Variants in RFX3 observed in about 807,000 individuals in gnomAD.
RFX3 encodes transcription factor RFX3.
A neutral mutation model predicts 98.6 loss-of-function variants in RFX3; 14 were observed. That is an observed-to-expected ratio of 0.14 (90% CI 0.09 to 0.22). The LOEUF is 0.22. Among genes scored for constraint, RFX3 ranks in the 10% least tolerant of loss-of-function variants. The pLI, the probability that RFX3 is intolerant of heterozygous loss-of-function variation, is 1.00. For missense variants in RFX3, 639 were observed against 926.9 expected (o/e 0.69, Z 4.03); for synonymous variants, 383 against 328.4 (o/e 1.17, Z -1.80).
chr9:3,327,764 C>T (rs550289726), intron 4 of RFX3, among the ~76,000 whole-genome samples: 10 of 151,848 alleles, frequency 6.6e-5, no homozygotes, highest in South Asian at 6.3e-4. Context: ...TTTTATAATT[C>T]AGTTATCTGT....
intron 4 of RFX3, among the ~76,000 whole-genome samples, chr9:3,316,776 A>G (rs1016844670): frequency 5.3e-5 from 8 of 152,212 alleles, no homozygotes; most frequent in African/African-American, 1.9e-4. Context: ...CAATTGCATC[A>G]AAGAGAATAA....
At chr9:3,291,157 G>C (rs1403543545) in intron 6 of RFX3, among the ~76,000 whole-genome samples, 1 of 152,176 alleles carries the variant, frequency 6.6e-6, no homozygotes, top group Non-Finnish European at 1.5e-5. Flanking sequence ...CTAAGGTCAG[G>C]AGTTTGAGAC....
chr9:3,276,080 TAAC>T (rs1206714140), intron 8 of RFX3, among the ~76,000 whole-genome samples: 2 of 152,096 alleles, frequency 1.3e-5, no homozygotes, highest in African/African-American at 4.8e-5. Flanking sequence ...ACATACAATT[TAAC>T]AACATTAATT....
At chr9:3,389,338 G>A (rs1215598397) in intron 2 of RFX3, among the ~76,000 whole-genome samples, 1 of 152,020 alleles carries the variant, frequency 6.6e-6, no homozygotes, top group African/African-American at 2.4e-5. Flanking sequence ...TGAGGAGAAG[G>A]AGCAATCCAT....
At chr9:3,352,780 G>A (rs556568513) in intron 2 of RFX3, among the ~76,000 whole-genome samples, 238 of 152,164 alleles carry the variant, frequency 1.6e-3, no homozygotes, top group African/African-American at 5.6e-3. Context: ...CCATGATCCT[G>A]GGTTCTGACC....
At chr9:3,247,434 G>A (rs560663859) in intron 15 of RFX3, 2 of 738,918 alleles carry the variant, frequency 2.7e-6, no homozygotes, top group Admixed American at 1.1e-4. Flanking sequence ...TAACCTTTCT[G>A]TGCCTTAGCT....
At chr9:3,503,524 A>G (rs940444506) in intron 1 of RFX3, among the ~76,000 whole-genome samples, 1 of 152,160 alleles carries the variant, frequency 6.6e-6, no homozygotes, top group African/African-American at 2.4e-5. Flanking sequence ...ATTTGACACC[A>G]AACTGAGTAT....
chr9:3,325,977 G>A (rs982377803), intron 4 of RFX3, among the ~76,000 whole-genome samples: 1 of 152,094 alleles, frequency 6.6e-6, no homozygotes, highest in Non-Finnish European at 1.5e-5. Context: ...ATGTCCATGT[G>A]CTACTGAAAT....
intron 14 of RFX3, among the ~76,000 whole-genome samples, chr9:3,251,374 G>T (rs774927729): frequency 2.0e-5 from 3 of 151,732 alleles, no homozygotes; most frequent in Non-Finnish European, 4.4e-5. Flanking sequence ...AGAGACAGGG[G>T]TCTTGCTGTA....
At chr9:3,361,405 G>T (rs1032611419) in intron 2 of RFX3, among the ~76,000 whole-genome samples, 1 of 151,992 alleles carries the variant, frequency 6.6e-6, no homozygotes, top group African/African-American at 2.4e-5. Flanking sequence ...TAGAAGGGAA[G>T]ACACAAGAAA....
chr9:3,294,461 A>G (rs1479222799), intron 5 of RFX3, among the ~76,000 whole-genome samples: 9 of 152,244 alleles, frequency 5.9e-5, no homozygotes, highest in African/African-American at 9.6e-5. Context: ...TGATGCAAAA[A>G]TGAATGTGAT....
Position 3,355,566 on chromosome 9 carries a change from G to A in RFX3, c.118-8802C>T, listed in dbSNP as rs1016481946. 4.0e-5 allele frequency among the ~76,000 whole-genome samples: 6 copies of A among 151,780 alleles called. No individual in the cohort carries two copies. In the East Asian group the frequency reaches 5.8e-4, roughly 15 times the overall value. The stretch of plus-strand genomic sequence containing the variant: ...GACATGAAGCAAAAACTGATATAAC[G>A]GAAAGAAGAAAATTTAAAAATCCAG... On this transcript the variant is annotated intron_variant, in intron 2 of 16. Coordinates refer to ENST00000617270, the MANE Select transcript of RFX3 (RefSeq NM_001282116.2).
At chr9:3,415,691 A>G (rs930204696) in intron 1 of RFX3, among the ~76,000 whole-genome samples, 4 of 152,162 alleles carry the variant, frequency 2.6e-5, no homozygotes, top group Non-Finnish European at 5.9e-5. Flanking sequence ...TGCAACTTCA[A>G]CTTTCACTTG....
chr9:3,493,098 G>C (rs1850840668), intron 1 of RFX3, among the ~76,000 whole-genome samples: 1 of 152,046 alleles, frequency 6.6e-6, no homozygotes, highest in Non-Finnish European at 1.5e-5. Context: ...CATGGTGCCA[G>C]GCATCTAACC....
intron 13 of RFX3, 51 bp from the exon 14 acceptor site, chr9:3,257,250 C>G (rs1420014803): frequency 6.8e-7 from 1 of 1,469,988 alleles, no homozygotes; most frequent in East Asian, 2.3e-5. Flanking sequence ...AGCATCCTTT[C>G]ATTGAATGCC....
chr9:3,342,365 A>G (rs2131085598), intron 3 of RFX3, among the ~76,000 whole-genome samples: 1 of 152,306 alleles, frequency 6.6e-6, no homozygotes, highest in East Asian at 1.9e-4. Flanking sequence ...GGACTAATGT[A>G]CAATGGATCA....
intron 6 of RFX3, among the ~76,000 whole-genome samples, chr9:3,288,498 T>G (rs898401163): frequency 1.3e-5 from 2 of 152,080 alleles, no homozygotes; most frequent in African/African-American, 4.8e-5. Flanking sequence ...AAACTTCCAC[T>G]TAAATATTAG....
At chr9:3,411,178 A>C (rs1842437262) in intron 1 of RFX3, among the ~76,000 whole-genome samples, 1 of 152,202 alleles carries the variant, frequency 6.6e-6, no homozygotes, top group Non-Finnish European at 1.5e-5. Flanking sequence ...CGGAAAGGTT[A>C]TTTGCATATG....
intron 13 of RFX3, 102 bp downstream of exon 13, chr9:3,262,833 A>C: frequency 8.4e-7 from 1 of 1,186,266 alleles, no homozygotes; most frequent in Non-Finnish European, 1.2e-6. Flanking sequence ...AGATGCTGCC[A>C]TATATAGATG....
Sources: gnomAD v4.1 joint callset for allele counts (sites outside exome capture counted in the v4.1 genomes callset) on GRCh38, gnomAD v4.1.1 for gene constraint, MANE v1.5 for transcripts, NCBI Gene and HGNC (gene_info 2026-07-23, HGNC 2026-07-21) for gene names.